Variants in RTN4 observed in about 807,000 individuals in gnomAD.
RTN4 encodes reticulon-4.
RTN4 carries 32 observed loss-of-function variants against 90.4 expected under a neutral mutation model. The observed-to-expected ratio is 0.35, with a 90% CI of 0.27 to 0.48. The LOEUF (loss-of-function observed/expected upper bound fraction) is 0.48. Ranked by LOEUF, RTN4 falls within the 20% of genes least tolerant of loss-of-function variation. The pLI is 0.99. For synonymous variants in RTN4, 629 were observed against 552.5 expected (o/e 1.14, Z -1.94); for missense variants, 1,706 against 1,430.2 (o/e 1.19, Z -3.11).
the RTN4 span, among the ~76,000 whole-genome samples, chr2:55,121,431 GC>G: frequency 1.3e-5 from 2 of 152,232 alleles, no homozygotes; most frequent in Admixed American, 1.3e-4. Context: ...AGAGACGTCA[GC>G]CCAAGACCAT....
At chr2:55,129,520 A>G in the RTN4 span, among the ~76,000 whole-genome samples, 1 of 152,120 alleles carries the variant, frequency 6.6e-6, no homozygotes. Context: ...TTTCAACGTT[A>G]CAGAGAGCTA....
At position 55,086,825 on chromosome 2, in the gene RTN4, A is replaced by ATT. The variant is rs146093058; in HGVS notation, c.-213-6188_-213-6187dup. On this transcript the variant is annotated intron_variant, in intron 1 of 3. Coordinates refer to the RTN4 transcript ENST00000427710. ...AATTTTGCCTTTGTTTTCAACTTTA[A>ATT]TTTATTTTTTTTTTTTTGTAGACGA... 7.7e-4 allele frequency among the ~76,000 whole-genome samples: 108 copies of ATT among 140,482 alleles called. 1 individual carries two copies. The highest frequency in any genetic ancestry group is 1.7e-3 in the African/African-American group (63 of 36,994). 92.2% of individuals were successfully genotyped at this position (140,482 alleles called of 152,430 possible).
upstream of RTN4, among the ~76,000 whole-genome samples, chr2:55,051,181 G>T (rs917306953): frequency 6.6e-6 from 1 of 152,184 alleles, no homozygotes; most frequent in African/African-American, 2.4e-5. Flanking sequence ...ATTAACTAGG[G>T]ATCTGGGGCC....
rs1448617360 is a variant in RTN4, at chr2:54,972,386, A to T, written c.*770T>A. 1 of 152,332 alleles carries T rather than the reference A, an allele frequency of 6.6e-6. No homozygotes were observed. Among genetic ancestry groups the T allele is most frequent in the African/African-American group, 2.4e-5 (1 of 41,438 alleles). The allele number at this position is 152,332 out of a possible 1,614,324, so 9.4% of individuals were successfully genotyped here. On this transcript the variant is annotated 3_prime_UTR_variant, in exon 9 of 9. Coordinates refer to ENST00000337526, the MANE Select transcript of RTN4 (RefSeq NM_020532.5). ...AGATTCAGTCCATAGATTCTGTGAC[A>T]AAATTAACTACAGTCAGTCTGTGCA...
chr2:54,980,620 T>C (rs148675943), intron 5 of RTN4, among the ~76,000 whole-genome samples: 255 of 152,328 alleles, frequency 1.7e-3, no homozygotes, highest in Middle Eastern at 3.4e-3. Flanking sequence ...GTTTATTGAA[T>C]CTATAAAAAC....
intron 3 of RTN4, among the ~76,000 whole-genome samples, chr2:54,993,301 C>A (rs1214689996): frequency 2.0e-5 from 3 of 152,112 alleles, no homozygotes; most frequent in Non-Finnish European, 4.4e-5. Context: ...TTCGGTACTA[C>A]TGAAGAGTCT....
intron 1 of RTN4, among the ~76,000 whole-genome samples, chr2:55,088,857 A>G (rs1327013976): frequency 2.0e-5 from 3 of 152,220 alleles, no homozygotes; most frequent in Non-Finnish European, 2.9e-5. Context: ...TCATTAGACA[A>G]CATTATTTAC....
chr2:54,977,347 T>A (rs1427395930), intron 5 of RTN4, among the ~76,000 whole-genome samples: 1 of 151,960 alleles, frequency 6.6e-6, no homozygotes, highest in Non-Finnish European at 1.5e-5. Context: ...CAGCTGCCTA[T>A]GAGCCTGAGA....
At chr2:55,094,113 T>G (rs1668990218) in intron 1 of RTN4, among the ~76,000 whole-genome samples, 1 of 152,144 alleles carries the variant, frequency 6.6e-6, no homozygotes, top group Admixed American at 6.5e-5. Context: ...TGTGATGGTA[T>G]TAGGATGTGG....
chr2:55,116,089 G>GACTTTTTT (rs1409371829), upstream of RTN4, among the ~76,000 whole-genome samples: 2 of 81,276 alleles, frequency 2.5e-5, 1 homozygote, highest in African/African-American at 1.0e-4. Flanking sequence ...ATGGGGACTA[G>GACTTTTTT]TCTTTTTTTT....
At chr2:55,059,089 T>C (rs1558861807) in intron 2 of RTN4, among the ~76,000 whole-genome samples, 1 of 152,094 alleles carries the variant, frequency 6.6e-6, no homozygotes, top group African/African-American at 2.4e-5. Flanking sequence ...CAGGTTTATC[T>C]CTAATAACGG....
chr2:55,005,078 C>T (rs1249984134), intron 3 of RTN4, among the ~76,000 whole-genome samples: 3 of 152,038 alleles, frequency 2.0e-5, no homozygotes, highest in Non-Finnish European at 2.9e-5. Flanking sequence ...GTGTGGCTAG[C>T]GACAGGGAGT....
At chr2:55,042,467 A>C (rs1683141241) in intron 1 of RTN4, among the ~76,000 whole-genome samples, 1 of 152,200 alleles carries the variant, frequency 6.6e-6, no homozygotes, top group South Asian at 2.1e-4. Context: ...GTGGAAAATA[A>C]AGTGAAAAGG....
At chr2:55,061,933 G>A (rs557903187) in intron 2 of RTN4, among the ~76,000 whole-genome samples, 37 of 152,226 alleles carry the variant, frequency 2.4e-4, no homozygotes, top group African/African-American at 8.9e-4. Flanking sequence ...CCCTAGCAAG[G>A]CAAACACACA....
upstream of RTN4, among the ~76,000 whole-genome samples, chr2:55,115,764 G>A (rs187912725): frequency 3.0e-4 from 45 of 152,282 alleles, no homozygotes; most frequent in Admixed American, 5.2e-4. Flanking sequence ...CCACATATGG[G>A]CAGGGAAATC....
At chr2:55,007,922 C>A (rs1240898517) in intron 3 of RTN4, among the ~76,000 whole-genome samples, 1 of 152,044 alleles carries the variant, frequency 6.6e-6, no homozygotes, top group African/African-American at 2.4e-5. Context: ...CCATCCAAAT[C>A]CCTAGGCCTA....
rs114448798 is a variant in RTN4, at chr2:55,059,870, G to A, written c.-63+20619C>T. 4.4e-3 allele frequency among the ~76,000 whole-genome samples: 671 copies of A among 151,948 alleles called. 4 individuals carry two copies. Among genetic ancestry groups the A allele is most frequent in the Admixed American group, 5.0e-3 (77 of 15,270 alleles). ...AGAGAGAAAGAGAGAGAGAGATGGG[G>A]TTTCACCATGTTGCCCAAGCTGGTC... On this transcript the variant is annotated intron_variant, in intron 2 of 3. Coordinates refer to the RTN4 transcript ENST00000427710.
In RTN4 at chr2:54,993,572, G is replaced by A. The variant is rs145005215; in HGVS notation, c.3014-5874C>T. Among the ~76,000 whole-genome samples, 6 of 152,232 alleles carry A rather than the reference G, an allele frequency of 3.9e-5. No homozygotes were observed. The East Asian group carries it at 1.2e-3, about 29-fold the overall frequency. ...CTTTCCTCTTGTCATATGGTTCCTA[G>A]GAACACGGTCTTTTCAATAAATGGA... On this transcript the variant is annotated intron_variant, in intron 3 of 8. Coordinates refer to ENST00000337526, the MANE Select transcript of RTN4 (RefSeq NM_020532.5).
chr2:55,023,790 T>A (rs1291265652), intron 3 of RTN4, among the ~76,000 whole-genome samples: 1 of 152,184 alleles, frequency 6.6e-6, no homozygotes, highest in African/African-American at 2.4e-5. Flanking sequence ...GCCATGCCCA[T>A]GCACACCACA....
Sources: allele counts gnomAD v4.1 joint callset (sites outside exome capture counted in the v4.1 genomes callset), GRCh38; gene constraint gnomAD v4.1.1; transcripts MANE v1.5; gene names NCBI Gene and HGNC (gene_info 2026-07-23, HGNC 2026-07-21).